The following PRB4 variants were observed in gnomAD, a reference collection of about 807,000 sequenced individuals.
The protein encoded by PRB4 is proline rich protein BstNI subfamily 4, also known as basic salivary proline-rich protein 4.
PRB4 carries 14 observed loss-of-function variants against 9.1 expected under a neutral mutation model. The observed-to-expected ratio is 1.54, with a 90% confidence interval of 1.02 to 2.41. The LOEUF is 2.41. Among genes scored for constraint, PRB4 ranks in the 30% most tolerant of loss-of-function variants. The pLI, the probability that PRB4 is intolerant of heterozygous loss-of-function variation, is 0.00. For synonymous variants in PRB4, 102 were observed against 108.5 expected, an observed-to-expected ratio of 0.94 and a Z score of 0.37; for missense variants, 381 against 299.3, an observed-to-expected ratio of 1.27 and a Z score of -2.02.
Position 11,309,393 on chromosome 12 carries a change from T to A in PRB4, c.77A>T (p.Glu26Val), listed in dbSNP as rs1375234870. Reference protein sequence around the residue: ...AESSSEDVSQEESLFLISGKP... With the variant: ...AESSSEDVSQVESLFLISGKP... ...ACCTGATATTAGGAAGAGAGATTCT[T>A]CCTGGCTGACATCTAGAAGAGAAGC... is the stretch of plus-strand genomic sequence containing the variant. Residue 26 changes from glutamate (E) to valine (V), a missense_variant, in exon 2 of 4, where the codon GAA (glutamate) becomes GTA (valine). By Grantham distance (121) the Glu-to-Val change is moderately radical. Coordinates refer to ENST00000279575, the MANE Select transcript of PRB4 (RefSeq NM_002723.6). The A allele has an allele frequency of 6.2e-7, 1 of 1,614,174 alleles. No homozygotes were observed. The highest frequency in any genetic ancestry group is 2.2e-5 in the East Asian group (1 of 44,884).
At chr12:11,308,072 T>C in intron 3 of PRB4, 149 bp downstream of exon 3, 1 of 869,270 alleles carries the variant, frequency 1.2e-6, no homozygotes, top group East Asian at 2.6e-5. Context: ...AGGGTCCCCT[T>C]ACCCTATTCC....
chr12:11,308,354 C>G lies in PRB4; in HGVS notation c.629G>C (p.Gly210Ala). 1.2e-6 allele frequency: 2 copies of G among 1,610,162 alleles called. No individual in the cohort carries two copies. Among genetic ancestry groups the G allele is most frequent in the East Asian group, 4.5e-5 (2 of 44,842 alleles). Residue 210 changes from glycine to alanine, a missense_variant, in exon 3 of 4, where the codon GGA becomes GCA. Physicochemically the swap from Gly to Ala is moderately conservative, Grantham distance 60. Transcript: ENST00000279575. ...TGCCTGAGGCTGCTGGGGATTGCCT[C>G]CTGCTGGGGGTGGGCCTTGTGGCTT... ...PGKPQGPPPA[G>A]GNPQQPQAPP...
At chr12:11,309,564 G>C (rs1327056777) in intron 1 of PRB4, among the ~76,000 whole-genome samples, 159 bp from the exon 2 acceptor site, 26 of 152,176 alleles carry the variant, frequency 1.7e-4, no homozygotes, top group Non-Finnish European at 2.9e-5. Context: ...GGTGGAAGGT[G>C]TAAGAGGAGG....
At chr12:11,307,231 T>G (rs1437155331) in intron 3 of PRB4, 32 bp from the exon 4 acceptor site, 1 of 152,710 alleles carries the variant, frequency 6.5e-6, no homozygotes, top group African/African-American at 2.4e-5. Context: ...GTTCATAGAT[T>G]CACTCTTTTG....
intron 3 of PRB4, among the ~76,000 whole-genome samples, chr12:11,307,702 G>A (rs1286583867): frequency 6.6e-6 from 1 of 152,142 alleles, no homozygotes; most frequent in African/African-American, 2.4e-5. Context: ...AGGTGGGTAG[G>A]ATGTGTTATG....
rs1482899230 is a variant in PRB4, at chr12:11,307,804, T to TGACA, written c.*18+413_*18+416dup. 2.0e-5 allele frequency among the ~76,000 whole-genome samples: 3 copies of TGACA among 152,310 alleles called. No homozygotes were observed. The East Asian group carries it at 5.8e-4, about 29-fold the overall frequency. On this transcript the variant is annotated intron_variant, in intron 3 of 3. Coordinates refer to ENST00000279575, the MANE Select transcript of PRB4 (RefSeq NM_002723.6). ...ATTGAAAAGTTAAGTATCTAAAAAGTGACACGCCATTTAGCTGCTGAAAGA... is the reference window on the plus strand; with the variant it reads ...ATTGAAAAGTTAAGTATCTAAAAAGTGACAGACACGCCATTTAGCTGCTGAAAGA...
chr12:11,309,604 A>G (rs990042159), intron 1 of PRB4, among the ~76,000 whole-genome samples, 199 bp from the exon 2 acceptor site: 2 of 152,194 alleles, frequency 1.3e-5, no homozygotes, highest in African/African-American at 4.8e-5. Flanking sequence ...AGCAACAGCA[A>G]TGAGTTCAAC....
At chr12:11,309,474 A>C (rs1863004096) in intron 1 of PRB4, 69 bp from the exon 2 acceptor site, 7 of 1,613,378 alleles carry the variant, frequency 4.3e-6, no homozygotes, top group Non-Finnish European at 5.1e-6. Flanking sequence ...AGTGTTCTAC[A>C]GGGAAAATTG....
chr12:11,309,234 A>G lies in PRB4; in HGVS notation c.100+136T>C, dbSNP rs192019703. On this transcript the variant is annotated intron_variant, in intron 2 of 3. Coordinates refer to ENST00000279575, the MANE Select transcript of PRB4 (RefSeq NM_002723.6). ...TCCCCAGAATCAAGTTTGCATGAAG[A>G]TTGCCTATATCATTAGGGGCAATAA... 1,527 of 1,454,094 alleles carry G rather than the reference A, an allele frequency of 1.1e-3. 22 individuals are homozygous for G. In the African/African-American group the frequency reaches 0.02, roughly 19 times the overall value. 90.1% of individuals were successfully genotyped at this position (1,454,094 alleles called of 1,614,324 possible). A position where few individuals can be genotyped will look rare whatever the true frequency, so the allele number is the denominator to read the frequency against.
Position 11,308,848 on chromosome 12 carries a change from G to A in PRB4, c.135C>T (p.Asn45=). The A allele has an allele frequency of 6.3e-7, 1 of 1,590,792 alleles. No homozygotes were observed. Among genetic ancestry groups the A allele is most frequent in the South Asian group, 1.1e-5 (1 of 89,948 alleles). The change falls in exon 3 of 4, where the codon AAC becomes AAT. Residue 45 remains asparagine, a synonymous_variant. Transcript: ENST00000279575. The part of the protein sequence containing the change: ...KPEGRRPQGG[N]QPQRPPPPPG... ...GAGGAGGTGGGGGACGTTGGGGCTG[G>A]TTTCCTCCTTGTGGGCGTCGTCCTT...
chr12:11,310,257 TC>T (rs1863022914), intron 1 of PRB4, 77 bp downstream of exon 1: 3 of 1,574,776 alleles, frequency 1.9e-6, no homozygotes, highest in Non-Finnish European at 2.6e-6. Flanking sequence ...GTTTTCATTC[TC>T]CTCTCTTCCC....
chr12:11,310,127 C>A (rs1298921522), intron 1 of PRB4, among the ~76,000 whole-genome samples: 1 of 152,180 alleles, frequency 6.6e-6, no homozygotes, highest in Non-Finnish European at 1.5e-5. Context: ...TCTCATTCCC[C>A]TGGAACAAAT....
chr12:11,310,087 G>A (rs1431195997), intron 1 of PRB4, among the ~76,000 whole-genome samples: 1 of 152,154 alleles, frequency 6.6e-6, no homozygotes, highest in Non-Finnish European at 1.5e-5. Flanking sequence ...TCACAGCACA[G>A]TTCTATCTCT....
chr12:11,308,028 C>T (rs1204046276), intron 3 of PRB4, among the ~76,000 whole-genome samples, 193 bp downstream of exon 3: 1 of 152,218 alleles, frequency 6.6e-6, no homozygotes, highest in Non-Finnish European at 1.5e-5. Context: ...TGTTTCTCAA[C>T]ATCAGAATTC....
chr12:11,310,375 C>A lies in PRB4; in HGVS notation c.24G>T (p.Val8=). The A allele has an allele frequency of 6.2e-7, 1 of 1,614,216 alleles. No individual in the cohort carries two copies. Among genetic ancestry groups the A allele is most frequent in the Non-Finnish European group, 8.5e-7 (1 of 1,180,032 alleles). The change falls in exon 1 of 4, where the codon GTG becomes GTT. Residue 8 remains valine (V), a synonymous_variant. Coordinates refer to ENST00000279575, the MANE Select transcript of PRB4 (RefSeq NM_002723.6). ...CAGCTGAGCTCAGGGCCAGCAGGGC[C>A]ACTGACAGCAGAATCAGCAGCATCT... MLLILLS[V]ALLALSSAES... is the part of the protein sequence containing the mutation.
At position 11,308,423 on chromosome 12, in the gene PRB4, G is replaced by C. The variant is rs547141690; in HGVS notation, c.560C>G (p.Pro187Arg). ...RSPPGKPQGPPQQEGNKPQGP... is the reference protein window; with the variant it reads ...RSPPGKPQGPRQQEGNKPQGP... Reference sequence around the variant, plus strand: ...TTGAGGCTTGTTGCCTTCTTGTTGGGGTGGTCCTTGTGGCTTTCCTGGAGG... The same window carrying C: ...TTGAGGCTTGTTGCCTTCTTGTTGGCGTGGTCCTTGTGGCTTTCCTGGAGG... Residue 187 changes from proline to arginine, a missense_variant, in exon 3 of 4, where the codon CCC (proline) becomes CGC (arginine). Physicochemically the swap from Pro to Arg is moderately radical, Grantham distance 103 (BLOSUM62 -2). Around this residue, in one of 3 missense-constraint regions of PRB4, gnomAD observed 204 missense variants for 134.4 expected, o/e 1.52. Coordinates refer to ENST00000279575, the MANE Select transcript of PRB4 (RefSeq NM_002723.6). 1.1e-5 allele frequency: 17 copies of C among 1,613,800 alleles called. No individual in the cohort carries two copies. In the South Asian group the frequency reaches 1.1e-4, roughly 10 times the overall value.
At position 11,309,408 on chromosome 12, in the gene PRB4, A is replaced by G. The variant is rs1863002581; in HGVS notation, c.65-3T>C. On this transcript the variant is annotated splice_polypyrimidine_tract_variant and splice_region_variant and intron_variant, in intron 1 of 3. Coordinates refer to ENST00000279575, the MANE Select transcript of PRB4 (RefSeq NM_002723.6). ...GAGAGATTCTTCCTGGCTGACATCTAGAAGAGAAGCACAGGATGATGGGAA... is the reference window on the plus strand; with the variant it reads ...GAGAGATTCTTCCTGGCTGACATCTGGAAGAGAAGCACAGGATGATGGGAA... The G allele has an allele frequency of 2.5e-6, 4 of 1,614,066 alleles. No homozygotes were observed. The highest frequency in any genetic ancestry group is 1.3e-5 in the African/African-American group (1 of 74,938).
intron 1 of PRB4, 59 bp from the exon 2 acceptor site, chr12:11,309,464 A>G (rs1045166771): frequency 1.4e-5 from 22 of 1,613,638 alleles, no homozygotes; most frequent in African/African-American, 1.2e-4. Context: ...AAGACTCACA[A>G]GTGTTCTACA....
chr12:11,308,948 C>G (rs1166611088), intron 2 of PRB4, 66 bp from the exon 3 acceptor site: 18 of 1,590,202 alleles, frequency 1.1e-5, no homozygotes, highest in Non-Finnish European at 1.6e-5. Flanking sequence ...AGTAATGGAG[C>G]TAAATGGGGA....
Sources: gnomAD v4.1 joint callset for allele counts (sites outside exome capture counted in the v4.1 genomes callset) on GRCh38, gnomAD v4.1.1 for gene constraint, gnomAD v4.1.1 regional missense constraint, MANE v1.5 for transcripts, NCBI Gene and HGNC (gene_info 2026-07-23, HGNC 2026-07-21) for gene names.